The following CALN1 variants were observed in gnomAD, a reference collection of about 807,000 sequenced individuals.
The protein encoded by CALN1 is calcium-binding protein 8.
CALN1 carries 17 observed loss-of-function variants against 30.6 expected under a neutral mutation model. The ratio of observed to expected loss-of-function variants is 0.56; its 90% CI spans 0.38 to 0.83. The LOEUF (loss-of-function observed/expected upper bound fraction) is 0.83. Among genes scored for constraint, CALN1 ranks in the 40% least tolerant of loss-of-function variants. The probability of loss-of-function intolerance (pLI) is 0.00; values close to 1 mark genes in which losing one functional copy is unlikely to be tolerated. For missense variants in CALN1, 291 were observed against 354.9 expected (o/e 0.82, Z 1.45); for synonymous variants, 156 against 131.4 (o/e 1.19, Z -1.28).
intron 2 of CALN1, among the ~76,000 whole-genome samples, chr7:72,390,326 G>A (rs945429943): frequency 6.6e-6 from 1 of 152,096 alleles, no homozygotes; most frequent in Non-Finnish European, 1.5e-5. Flanking sequence ...AGCTACTCAG[G>A]AGGGTGAGGC....
chr7:72,206,286 G>GTCCC (rs1235857433), intron 3 of CALN1, among the ~76,000 whole-genome samples: 1 of 152,100 alleles, frequency 6.6e-6, no homozygotes, highest in Non-Finnish European at 1.5e-5. Flanking sequence ...AATATAAATG[G>GTCCC]TCCCTCTGTT....
At chr7:71,790,715 T>C (rs957264849) in intron 6 of CALN1, among the ~76,000 whole-genome samples, 4 of 152,212 alleles carry the variant, frequency 2.6e-5, no homozygotes, top group East Asian at 1.9e-4. Flanking sequence ...CTCAGCCCTA[T>C]TGCAGAATTA....
At chr7:71,914,955 A>C (rs1794612654) in intron 5 of CALN1, among the ~76,000 whole-genome samples, 1 of 152,188 alleles carries the variant, frequency 6.6e-6, no homozygotes, top group Admixed American at 6.5e-5. Flanking sequence ...CAAGAAAAAA[A>C]ATAAAGTTTG....
At chr7:72,392,270 C>T (rs150033179) in intron 2 of CALN1, among the ~76,000 whole-genome samples, 60 of 152,306 alleles carry the variant, frequency 3.9e-4, no homozygotes, top group Non-Finnish European at 7.3e-4. Context: ...CCAGACATCT[C>T]GGAGCAGATA....
intron 2 of CALN1, among the ~76,000 whole-genome samples, chr7:72,346,584 C>T (rs1383788645): frequency 2.0e-5 from 3 of 152,094 alleles, no homozygotes; most frequent in Non-Finnish European, 2.9e-5. Context: ...GGCACGATCT[C>T]GGCTCACTGC....
chr7:71,968,993 G>C (rs1014747485), intron 5 of CALN1, among the ~76,000 whole-genome samples: 4 of 150,550 alleles, frequency 2.7e-5, no homozygotes, highest in African/African-American at 9.8e-5. Flanking sequence ...AGGCTGCAGT[G>C]AACTATGATT....
At chr7:72,335,352 G>A (rs984229774) in intron 2 of CALN1, among the ~76,000 whole-genome samples, 1 of 152,200 alleles carries the variant, frequency 6.6e-6, no homozygotes, top group Non-Finnish European at 1.5e-5. Context: ...ATCAGTTAAA[G>A]AAGCAGAACC....
At chr7:72,370,676 A>T (rs1177985421) in intron 2 of CALN1, among the ~76,000 whole-genome samples, 1 of 151,942 alleles carries the variant, frequency 6.6e-6, no homozygotes, top group Non-Finnish European at 1.5e-5. Flanking sequence ...AAAAAAAGTA[A>T]AATTAATATA....
chr7:71,944,483 A>T (rs1028444218), intron 5 of CALN1, among the ~76,000 whole-genome samples: 1 of 149,136 alleles, frequency 6.7e-6, no homozygotes, highest in Non-Finnish European at 1.5e-5. Context: ...AATCCCAGCT[A>T]CTTGGGAGGC....
chr7:72,240,949 C>A (rs570524979), intron 3 of CALN1, among the ~76,000 whole-genome samples: 10 of 152,338 alleles, frequency 6.6e-5, no homozygotes, highest in Non-Finnish European at 1.3e-4. Flanking sequence ...CCTTCTGGAA[C>A]CTTCCTTGAG....
chr7:72,331,052 G>A (rs1170837908), intron 2 of CALN1, among the ~76,000 whole-genome samples: 1 of 152,062 alleles, frequency 6.6e-6, no homozygotes, highest in Admixed American at 6.6e-5. Context: ...TTTCCTTTCA[G>A]AAAACAATCT....
chr7:72,166,336 G>T (rs1788521163), intron 3 of CALN1, among the ~76,000 whole-genome samples: 1 of 151,984 alleles, frequency 6.6e-6, no homozygotes, highest in Non-Finnish European at 1.5e-5. Flanking sequence ...GGAGTATCTG[G>T]GACTACAAGT....
intron 3 of CALN1, among the ~76,000 whole-genome samples, chr7:72,261,427 C>CT (rs34736636): frequency 0.59 from 88,000 of 149,020 alleles, 26,352 homozygotes; most frequent in African/African-American, 0.72. Context: ...ATTTCAGAAG[C>CT]TTTTTTTTTT....
chr7:72,073,959 T>G (rs1309882204), intron 4 of CALN1, among the ~76,000 whole-genome samples: 1 of 151,878 alleles, frequency 6.6e-6, no homozygotes, highest in Admixed American at 6.6e-5. Flanking sequence ...CCTCACAGAG[T>G]GTTGGGATTG....
At chr7:72,500,759 A>T in the CALN1 span, among the ~76,000 whole-genome samples, 12 of 152,214 alleles carry the variant, frequency 7.9e-5, no homozygotes, top group Non-Finnish European at 1.8e-4. Flanking sequence ...TAATGTTATT[A>T]TCTTATTCTT....
intron 2 of CALN1, among the ~76,000 whole-genome samples, chr7:72,339,790 C>T (rs1802297188): frequency 6.6e-6 from 1 of 152,174 alleles, no homozygotes; most frequent in Non-Finnish European, 1.5e-5. Context: ...ATTGATAAAA[C>T]CATCAGATCT....
intron 5 of CALN1, among the ~76,000 whole-genome samples, chr7:71,884,857 C>T (rs1792805441): frequency 1.3e-5 from 2 of 152,116 alleles, no homozygotes; most frequent in South Asian, 4.1e-4. Context: ...TCTCTATTAA[C>T]GTAGCTAGAT....
intron 2 of CALN1, among the ~76,000 whole-genome samples, chr7:72,338,470 A>AGAGT (rs1031551970): frequency 0.018 from 1,314 of 74,800 alleles, 34 homozygotes; most frequent in East Asian, 0.044. Context: ...CCAGCAGCAC[A>AGAGT]GTGTGTGTGT....
At chr7:72,159,528 T>C (rs1344188622) in intron 3 of CALN1, among the ~76,000 whole-genome samples, 1 of 150,834 alleles carries the variant, frequency 6.6e-6, no homozygotes, top group East Asian at 2.0e-4. Context: ...CCAGGCATAG[T>C]GGCTTATGCC....
Sources: gnomAD v4.1 joint callset for allele counts (sites outside exome capture counted in the v4.1 genomes callset) on GRCh38, gnomAD v4.1.1 for gene constraint, MANE v1.5 for transcripts, NCBI Gene and HGNC (gene_info 2026-07-23, HGNC 2026-07-21) for gene names.